Variants in SHISA6 observed in about 807,000 individuals in gnomAD.
SHISA6 encodes protein shisa-6.
In SHISA6, 22 loss-of-function variants were observed where a neutral mutation model predicts 47.9. The ratio of observed to expected loss-of-function variants is 0.46; its 90% CI spans 0.33 to 0.66. SHISA6 has a LOEUF of 0.66. Among genes scored for constraint, SHISA6 ranks in the 30% least tolerant of loss-of-function variants. The probability of loss-of-function intolerance (pLI) is 0.02; values close to 1 mark genes in which losing one functional copy is unlikely to be tolerated. For missense variants in SHISA6, 680 were observed against 764.6 expected, an observed-to-expected ratio of 0.89 and a Z score of 1.30; for synonymous variants, 388 against 337.8, an observed-to-expected ratio of 1.15 and a Z score of -1.63.
At chr17:11,452,725 C>G (rs538497769) in intron 3 of SHISA6, among the ~76,000 whole-genome samples, 1 of 145,698 alleles carries the variant, frequency 6.9e-6, no homozygotes, top group Admixed American at 6.9e-5. Flanking sequence ...CTCTTCCTCT[C>G]TTCCCCTCCT....
At chr17:11,314,321 G>T (rs2142189557) in intron 2 of SHISA6, among the ~76,000 whole-genome samples, 1 of 152,038 alleles carries the variant, frequency 6.6e-6, no homozygotes, top group Non-Finnish European at 1.5e-5. Flanking sequence ...ATTAGGAAGA[G>T]CTTCCCCTCT....
At chr17:11,305,983 C>T (rs752268086) in intron 2 of SHISA6, among the ~76,000 whole-genome samples, 2 of 152,158 alleles carry the variant, frequency 1.3e-5, no homozygotes. Flanking sequence ...CCTGTGCGTA[C>T]CCTTCTTCTT....
Position 11,529,061 on chromosome 17 carries a change from TG to T in SHISA6, c.896-22832del, listed in dbSNP as rs139216018. Among the ~76,000 whole-genome samples, 863 of 151,864 alleles carry T rather than the reference TG, an allele frequency of 5.7e-3. 5 individuals are homozygous for T. Among genetic ancestry groups the T allele is most frequent in the African/African-American group, 0.02 (808 of 41,420 alleles). On this transcript the variant is annotated intron_variant, in intron 3 of 5. Transcript: ENST00000441885. Reference sequence around the variant, plus strand: ...CAAAAAAATTAGCCGGACATGGTGGTGGGCGCCTGTAGTCCCAGCTACTCAG... The same window carrying T: ...CAAAAAAATTAGCCGGACATGGTGGTGGCGCCTGTAGTCCCAGCTACTCAG...
chr17:11,381,162 C>G (rs1046537045), intron 3 of SHISA6, among the ~76,000 whole-genome samples: 1 of 152,082 alleles, frequency 6.6e-6, no homozygotes, highest in Non-Finnish European at 1.5e-5. Context: ...CCAAACAGAA[C>G]ACGGCAACTG....
chr17:11,391,938 C>T (rs1470286009), intron 3 of SHISA6, among the ~76,000 whole-genome samples: 1 of 152,140 alleles, frequency 6.6e-6, no homozygotes, highest in Admixed American at 6.5e-5. Context: ...CCATTCATAT[C>T]CTTGTTTACC....
intron 3 of SHISA6, among the ~76,000 whole-genome samples, chr17:11,525,451 G>A (rs770288719): frequency 2.6e-5 from 4 of 151,230 alleles, no homozygotes; most frequent in African/African-American, 7.3e-5. Context: ...TGGCAAACAC[G>A]GTGAAACCCC....
rs1031383989 is a variant in SHISA6 at position 11,405,235 on chromosome 17, G to C, written c.895+25726G>C. 3.9e-5 allele frequency among the ~76,000 whole-genome samples: 6 copies of C among 152,086 alleles called. No homozygotes were observed. In the South Asian group the frequency reaches 1.2e-3, roughly 32 times the overall value. On this transcript the variant is annotated intron_variant, in intron 3 of 5. Coordinates refer to ENST00000441885, the MANE Select transcript of SHISA6 (RefSeq NM_207386.4). Reference sequence around the variant, plus strand: ...ATGTCACATGCATTTAAATCACCAGGGGATGTTGTCAACATGAAGATTTTG... The same window carrying C: ...ATGTCACATGCATTTAAATCACCAGCGGATGTTGTCAACATGAAGATTTTG...
intron 2 of SHISA6, among the ~76,000 whole-genome samples, chr17:11,319,581 T>C (rs984294864): frequency 2.0e-5 from 3 of 152,240 alleles, no homozygotes; most frequent in Admixed American, 1.3e-4. Flanking sequence ...GTGGATTGCC[T>C]TCTTACTTTT....
chr17:11,489,822 G>A (rs1043794844), intron 3 of SHISA6, among the ~76,000 whole-genome samples: 9 of 152,150 alleles, frequency 5.9e-5, no homozygotes, highest in African/African-American at 2.2e-4. Context: ...GTGGGTAAAA[G>A]TCAAGAATGT....
In SHISA6 at chr17:11,241,601, G is replaced by T; in HGVS notation, c.179G>T (p.Gly60Val). ...ALARGGRELN[G>V]TARAPGIPEA... ...GCACGGGGCGGCCGCGAGCTGAACGGCACCGCCCGGGCGCCCGGAATCCCG... is the reference window on the plus strand; with the variant it reads ...GCACGGGGCGGCCGCGAGCTGAACGTCACCGCCCGGGCGCCCGGAATCCCG... The change falls in exon 1 of 6, where the codon GGC (glycine) becomes GTC (valine). Residue 60 changes from glycine to valine, a missense_variant. Physicochemically the swap from Gly to Val is moderately radical, Grantham distance 109. Transcript: ENST00000441885. This position sits in a 1 kb window ranked among gnomAD's most constrained non-coding sequence, Gnocchi z 5.5. 7.8e-7 allele frequency: 1 copy of T among 1,284,782 alleles called. No individual in the cohort carries two copies. The highest frequency in any genetic ancestry group is 9.8e-7 in the Non-Finnish European group (1 of 1,023,186). The allele number at this position is 1,284,782 out of a possible 1,614,324, so 79.6% of individuals were successfully genotyped here.
At chr17:11,515,029 T>G (rs1281052436) in intron 3 of SHISA6, among the ~76,000 whole-genome samples, 1 of 152,134 alleles carries the variant, frequency 6.6e-6, no homozygotes. Context: ...CATGAAGCCC[T>G]GTGGACTTCC....
At chr17:11,501,158 G>C (rs1235260469) in intron 3 of SHISA6, among the ~76,000 whole-genome samples, 1 of 151,360 alleles carries the variant, frequency 6.6e-6, no homozygotes, top group African/African-American at 2.4e-5. Context: ...TGTTGCCGAG[G>C]CTGGAGTGCA....
At chr17:11,285,661 A>G (rs1436734016) in intron 2 of SHISA6, among the ~76,000 whole-genome samples, 4 of 152,120 alleles carry the variant, frequency 2.6e-5, no homozygotes, top group Non-Finnish European at 5.9e-5. Flanking sequence ...TGTACAGACT[A>G]TGCGCCCATG....
At chr17:11,304,799 G>A (rs115241146) in intron 2 of SHISA6, among the ~76,000 whole-genome samples, 63 of 151,678 alleles carry the variant, frequency 4.2e-4, no homozygotes, top group African/African-American at 1.0e-3. Flanking sequence ...AACTGTTCCC[G>A]GTAGGAGCTG....
chr17:11,528,919 G>A (rs111651073), intron 3 of SHISA6, among the ~76,000 whole-genome samples: 1,876 of 152,182 alleles, frequency 0.012, 52 homozygotes, highest in African/African-American at 0.042. Flanking sequence ...ATGGCCGGGC[G>A]TGGTGATTCA....
chr17:11,497,787 G>A (rs1488668444), intron 3 of SHISA6, among the ~76,000 whole-genome samples: 4 of 151,760 alleles, frequency 2.6e-5, no homozygotes, highest in South Asian at 2.1e-4. Context: ...TCTGTCTCTC[G>A]CATCCTACGA....
intron 3 of SHISA6, among the ~76,000 whole-genome samples, chr17:11,444,831 C>T (rs552600236): frequency 3.9e-5 from 6 of 152,250 alleles, no homozygotes; most frequent in Admixed American, 3.9e-4. Context: ...GGACTCTGAA[C>T]GTCCTGGCAA....
chr17:11,325,802 A>T (rs1910863503), intron 2 of SHISA6, among the ~76,000 whole-genome samples: 1 of 152,198 alleles, frequency 6.6e-6, no homozygotes, highest in African/African-American at 2.4e-5. Context: ...TACAATGAAG[A>T]GGTTGGCTTA....
At chr17:11,331,584 A>C (rs1042442825) in intron 2 of SHISA6, among the ~76,000 whole-genome samples, 2 of 152,198 alleles carry the variant, frequency 1.3e-5, no homozygotes, top group Non-Finnish European at 2.9e-5. Context: ...GATGGCATGC[A>C]TTAAACCAAA....
Sources: gnomAD v4.1 joint callset for allele counts (sites outside exome capture counted in the v4.1 genomes callset) on GRCh38, gnomAD v4.1.1 for gene constraint, Gnocchi (gnomAD v3.1) non-coding constraint, MANE v1.5 for transcripts, NCBI Gene and HGNC (gene_info 2026-07-23, HGNC 2026-07-21) for gene names.